HPSE2: variants seen among roughly 807,000 people sequenced by gnomAD.
HPSE2 encodes inactive heparanase-2.
In HPSE2, 38 loss-of-function variants were observed where a neutral mutation model predicts 60.5. The observed-to-expected ratio is 0.63, with a 90% CI of 0.48 to 0.82. The LOEUF is 0.82. Among genes scored for constraint, HPSE2 ranks in the 40% least tolerant of loss-of-function variants. The pLI is 0.00. For synonymous variants in HPSE2, 295 were observed against 293.2 expected (o/e 1.01, Z -0.06); for missense variants, 713 against 740.4 (o/e 0.96, Z 0.43).
At chr10:98,959,410 G>T (rs1179519993) in intron 3 of HPSE2, among the ~76,000 whole-genome samples, 1 of 149,158 alleles carries the variant, frequency 6.7e-6, no homozygotes, top group Non-Finnish European at 1.5e-5. Context: ...AGTGGCTGCT[G>T]ATGTCCTGCC....
chr10:98,654,549 GTTT>G (rs1565051767), intron 6 of HPSE2, among the ~76,000 whole-genome samples: 1 of 152,086 alleles, frequency 6.6e-6, no homozygotes, highest in Non-Finnish European at 1.5e-5. Flanking sequence ...TTGTGACAAT[GTTT>G]TTTATTTCTA....
At chr10:98,954,306 C>CA (rs1213799755) in intron 3 of HPSE2, among the ~76,000 whole-genome samples, 1 of 149,626 alleles carries the variant, frequency 6.7e-6, no homozygotes, top group African/African-American at 2.5e-5. Context: ...GACTCCATCT[C>CA]AAAAAAAAGA....
At chr10:98,501,277 A>G (rs1942021842) in intron 9 of HPSE2, among the ~76,000 whole-genome samples, 1 of 152,222 alleles carries the variant, frequency 6.6e-6, no homozygotes, top group Non-Finnish European at 1.5e-5. Context: ...CTTGATGAAC[A>G]TAGATGCTAA....
At position 98,934,367 on chromosome 10, in the gene HPSE2, G is replaced by A. The variant is rs1196588969; in HGVS notation, c.611-190311C>T. Among the ~76,000 whole-genome samples, 2 of 144,474 alleles carry A rather than the reference G, an allele frequency of 1.4e-5. 1 individual carries two copies. Among genetic ancestry groups the A allele is most frequent in the African/African-American group, 5.6e-5 (2 of 35,676 alleles). 94.8% of individuals were successfully genotyped at this position (144,474 alleles called of 152,430 possible). A position where few individuals can be genotyped will look rare whatever the true frequency, so the allele number is the denominator to read the frequency against. On this transcript the variant is annotated intron_variant, in intron 3 of 11. Transcript: ENST00000370552. Reference sequence around the variant, plus strand: ...GACTTGTTAATGTAGTTCCTTCATAGTGTCATTGGTCTGTGTACTTCAGTG... The same window carrying A: ...GACTTGTTAATGTAGTTCCTTCATAATGTCATTGGTCTGTGTACTTCAGTG...
At chr10:99,134,306 T>C (rs192597838) in intron 3 of HPSE2, among the ~76,000 whole-genome samples, 2 of 152,246 alleles carry the variant, frequency 1.3e-5, no homozygotes, top group Non-Finnish European at 2.9e-5. Flanking sequence ...TTCGGGATAT[T>C]ATCCAGGAGA....
At chr10:98,982,226 T>A (rs953778078) in intron 3 of HPSE2, among the ~76,000 whole-genome samples, 5 of 152,296 alleles carry the variant, frequency 3.3e-5, no homozygotes, top group Middle Eastern at 3.4e-3. Flanking sequence ...TTTCAACTGC[T>A]ATGGAATTTA....
intron 3 of HPSE2, among the ~76,000 whole-genome samples, chr10:99,031,032 G>A (rs2135450831): frequency 6.6e-6 from 1 of 152,224 alleles, no homozygotes; most frequent in Non-Finnish European, 1.5e-5. Flanking sequence ...AATGGTTAAT[G>A]GGTCCAAAAT....
chr10:98,535,325 T>G (rs770611394), intron 9 of HPSE2, among the ~76,000 whole-genome samples: 1 of 147,238 alleles, frequency 6.8e-6, no homozygotes, highest in African/African-American at 2.6e-5. Context: ...TTTTTGTTTG[T>G]TTTTTTTTTA....
rs1941586465 is a variant in HPSE2 at position 98,490,087 on chromosome 10, T to C, written c.1430A>G (p.Lys477Arg). Reference sequence around the variant, plus strand: ...TGTGCAGTGAGCATAAATCCTTAGTTTGTCCCGGATCACTCGGCCAGGCCG... The same window carrying C: ...TGTGCAGTGAGCATAAATCCTTAGTCTGTCCCGGATCACTCGGCCAGGCCG... ...KPRPGRVIRD[K>R]LRIYAHCTNH... is the part of the protein sequence containing the mutation. The change falls in exon 10 of 12, where the codon AAA becomes AGA. Residue 477 changes from lysine (K) to arginine (R), a missense_variant. Lys to Arg is a conservative substitution (Grantham distance 26). Coordinates refer to ENST00000370552, the MANE Select transcript of HPSE2 (RefSeq NM_021828.5). The C allele has an allele frequency of 6.2e-7, 1 of 1,614,116 alleles. No homozygotes were observed. The highest frequency in any genetic ancestry group is 1.3e-5 in the African/African-American group (1 of 74,936).
At chr10:99,263,208 G>A in the HPSE2 span, among the ~76,000 whole-genome samples, 6 of 152,062 alleles carry the variant, frequency 3.9e-5, no homozygotes, top group Admixed American at 3.3e-4. Context: ...GTTCCACCAG[G>A]CCTAATCGCC....
At chr10:98,597,052 G>C (rs747629041) in intron 9 of HPSE2, among the ~76,000 whole-genome samples, 1 of 151,946 alleles carries the variant, frequency 6.6e-6, no homozygotes, top group African/African-American at 2.4e-5. Flanking sequence ...CAAGCAAAAG[G>C]GGGGAAAGTC....
rs116021165 is a variant in HPSE2 at position 98,905,145 on chromosome 10, C to T, written c.611-161089G>A. Among the ~76,000 whole-genome samples, 685 of 152,050 alleles carry T rather than the reference C, an allele frequency of 4.5e-3. 7 individuals are homozygous for T. Among genetic ancestry groups the T allele is most frequent in the African/African-American group, 0.016 (663 of 41,482 alleles). The stretch of plus-strand genomic sequence containing the variant: ...ATCCCTATATACTTTTATACGATTA[C>T]TAACAAGTACTTCTTCTTTTTTTTT... On this transcript the variant is annotated intron_variant, in intron 3 of 11. Coordinates refer to ENST00000370552, the MANE Select transcript of HPSE2 (RefSeq NM_021828.5).
the HPSE2 span, among the ~76,000 whole-genome samples, chr10:99,305,640 T>A: frequency 6.6e-6 from 1 of 152,114 alleles, no homozygotes; most frequent in East Asian, 1.9e-4. Context: ...ACATAATACA[T>A]CTTACATGGC....
chr10:98,623,292 G>A (rs1399884112), intron 7 of HPSE2, among the ~76,000 whole-genome samples: 1 of 152,126 alleles, frequency 6.6e-6, no homozygotes, highest in Non-Finnish European at 1.5e-5. Flanking sequence ...ACAATAAGTA[G>A]ACTAATGGTT....
chr10:99,222,199 G>A (rs939697432), intron 2 of HPSE2, among the ~76,000 whole-genome samples: 3 of 152,096 alleles, frequency 2.0e-5, no homozygotes, highest in Non-Finnish European at 4.4e-5. Context: ...TGTTATAACA[G>A]GGGTAATGAA....
chr10:98,604,970 G>C (rs1945535330), intron 9 of HPSE2, among the ~76,000 whole-genome samples: 1 of 152,184 alleles, frequency 6.6e-6, no homozygotes, highest in African/African-American at 2.4e-5. Context: ...AGGCCTTCCT[G>C]CCTTCCTGCT....
the HPSE2 span, among the ~76,000 whole-genome samples, chr10:99,294,168 C>CT: frequency 6.6e-6 from 1 of 151,780 alleles, no homozygotes; most frequent in Non-Finnish European, 1.5e-5. Context: ...ATTAACACAT[C>CT]TTAACACTCA....
chr10:99,217,866 G>A (rs538819813), intron 2 of HPSE2, among the ~76,000 whole-genome samples: 1 of 152,172 alleles, frequency 6.6e-6, no homozygotes, highest in Admixed American at 6.5e-5. Context: ...GACTTCAGAT[G>A]TGAGCCACTG....
At chr10:98,849,615 C>T (rs1413333586) in intron 3 of HPSE2, among the ~76,000 whole-genome samples, 2 of 152,108 alleles carry the variant, frequency 1.3e-5, no homozygotes, top group Non-Finnish European at 1.5e-5. Context: ...CATAACCTCT[C>T]CTAAAGGGAA....
Sources: gnomAD v4.1 joint callset for allele counts (sites outside exome capture counted in the v4.1 genomes callset) on GRCh38, gnomAD v4.1.1 for gene constraint, MANE v1.5 for transcripts, NCBI Gene and HGNC (gene_info 2026-07-23, HGNC 2026-07-21) for gene names.